The following ALG9 variants were observed in gnomAD, a reference collection of about 807,000 sequenced individuals.
ALG9 encodes alpha-1,2-mannosyltransferase ALG9.
Under a neutral mutation model 81.8 loss-of-function variants are expected in ALG9, and 55 were observed. The observed-to-expected ratio is 0.67, with a 90% confidence interval of 0.54 to 0.84. The LOEUF is 0.84. ALG9 is among the 40% of genes least tolerant of loss of function. The probability of loss-of-function intolerance (pLI) is 0.00; values close to 1 mark genes in which losing one functional copy is unlikely to be tolerated. For synonymous variants in ALG9, 278 were observed against 274.3 expected (o/e 1.01, Z -0.13); for missense variants, 629 against 745.0 (o/e 0.84, Z 1.81).
chr11:111,845,104 T>A (rs1290874370), intron 8 of ALG9: 3 of 231,774 alleles, frequency 1.3e-5, no homozygotes, highest in Admixed American at 5.1e-5. Flanking sequence ...ATTTAACTAT[T>A]CTCTCAAGAT....
At position 111,786,292 on chromosome 11, in the gene ALG9, A is replaced by G. The variant is rs1275544837; in HGVS notation, c.*105T>C. 5.8e-6 allele frequency: 9 copies of G among 1,554,218 alleles called. No homozygotes were observed. Among genetic ancestry groups the G allele is most frequent in the Non-Finnish European group, 8.0e-6 (9 of 1,128,964 alleles). On this transcript the variant is annotated 3_prime_UTR_variant, in exon 15 of 15. Transcript: ENST00000616540. ...GCACCCAGATTCCAGTATTCATGTC[A>G]GAAGACCTTTATTACAAATGTTACA...
In ALG9 at chr11:111,868,501, T is replaced by C. The variant is rs564086734; in HGVS notation, c.405+101A>G. 3.5e-6 allele frequency: 5 copies of C among 1,425,508 alleles called. No homozygotes were observed. In the East Asian group the frequency reaches 1.2e-4, roughly 33 times the overall value. The allele number at this position is 1,425,508 out of a possible 1,614,324, so 88.3% of individuals were successfully genotyped here. On this transcript the variant is annotated intron_variant, in intron 3 of 14. Transcript: ENST00000616540. ...ATAAATGATTCTTCTTCAAAAAAAG[T>C]TCCCTTTTAACTTCCAATTCATTTT...
rs1555089157 is a variant in ALG9, at chr11:111,809,668, A to T, written c.1708T>A (p.Tyr570Asn). The change falls in exon 14 of 15, where the codon TAT (tyrosine) becomes AAT (asparagine). Residue 570 changes from tyrosine (Y) to asparagine (N), a missense_variant. Physicochemically the swap from Tyr to Asn is moderately radical, Grantham distance 143. This residue lies in a region of ALG9 where 264 missense variants were observed against 302.2 expected (regional missense o/e 0.87). Coordinates refer to ENST00000616540, the MANE Select transcript of ALG9 (RefSeq NM_024740.2). ...CTAGAAGCATCAAGGAATGGTCTAT[A>T]GGCCAAGCTGATCCATTCTTCTTTA... is the stretch of plus-strand genomic sequence containing the variant. ...SNKEEWISLA[Y>N]RPFLDASRSS... 1 of 1,614,142 alleles carries T rather than the reference A, an allele frequency of 6.2e-7. No homozygotes were observed. Among genetic ancestry groups the T allele is most frequent in the East Asian group, 2.2e-5 (1 of 44,878 alleles).
At chr11:111,853,581 T>C in intron 7 of ALG9, 68 bp downstream of exon 7, 2 of 1,567,818 alleles carry the variant, frequency 1.3e-6, no homozygotes, top group Non-Finnish European at 1.8e-6. Context: ...CTCCTGATGT[T>C]CCTTTTTTCA....
chr11:111,769,621 A>G, the ALG9 span, among the ~76,000 whole-genome samples: 13 of 151,958 alleles, frequency 8.6e-5, no homozygotes, highest in Non-Finnish European at 1.9e-4. Flanking sequence ...TGTCTCAAAA[A>G]AAAAAAAAAT....
intron 14 of ALG9, among the ~76,000 whole-genome samples, chr11:111,795,434 G>A (rs1948114224): frequency 6.6e-6 from 1 of 152,190 alleles, no homozygotes; most frequent in Non-Finnish European, 1.5e-5. Context: ...AGGGGGCATG[G>A]AAGGCGTGTT....
the ALG9 span, among the ~76,000 whole-genome samples, chr11:111,772,632 A>G: frequency 6.6e-6 from 1 of 152,250 alleles, no homozygotes; most frequent in African/African-American, 2.4e-5. Flanking sequence ...GTTGTTAAAA[A>G]GATTAAATAA....
At chr11:111,812,726 G>A (rs1950904210) in intron 13 of ALG9, among the ~76,000 whole-genome samples, 1 of 151,824 alleles carries the variant, frequency 6.6e-6, no homozygotes, top group Non-Finnish European at 1.5e-5. Context: ...AGACCAGCCT[G>A]GCCAACATGG....
chr11:111,828,898 T>C (rs1953843550), intron 13 of ALG9: 1 of 152,220 alleles, frequency 6.6e-6, no homozygotes, highest in African/African-American at 2.4e-5. Context: ...ATCCCAGAAC[T>C]TCTCTGCAGA....
the ALG9 span, among the ~76,000 whole-genome samples, chr11:111,769,792 T>C: frequency 6.6e-6 from 1 of 152,196 alleles, no homozygotes; most frequent in African/African-American, 2.4e-5. Flanking sequence ...AATACAAATA[T>C]GCTTTGCTTA....
At chr11:111,798,695 C>A (rs1325212594) in intron 14 of ALG9, among the ~76,000 whole-genome samples, 1 of 152,114 alleles carries the variant, frequency 6.6e-6, no homozygotes, top group African/African-American at 2.4e-5. Flanking sequence ...GTTTAGACTC[C>A]GCATCCTAAG....
At chr11:111,842,517 G>A (rs1956377514) in intron 9 of ALG9, among the ~76,000 whole-genome samples, 1 of 151,966 alleles carries the variant, frequency 6.6e-6, no homozygotes, top group Non-Finnish European at 1.5e-5. Flanking sequence ...GACCTCCTAG[G>A]CTTAAGCAAT....
intron 5 of ALG9, 39 bp from the exon 6 acceptor site, chr11:111,857,776 G>C: frequency 6.2e-7 from 1 of 1,612,350 alleles, no homozygotes; most frequent in Non-Finnish European, 8.5e-7. Context: ...AGGAGGACAA[G>C]AGCTCGAGGT....
At position 111,786,343 on chromosome 11, in the gene ALG9, C is replaced by G. The variant is rs1946465412; in HGVS notation, c.*54G>C. The G allele has an allele frequency of 3.7e-6, 6 of 1,611,324 alleles. No homozygotes were observed. The East Asian group carries it at 1.3e-4, about 36-fold the overall frequency. ...GGCGATGACTTGCAGGGAGTCAGGT[C>G]ACTGGAATCAATAGTTAACAAGATG... On this transcript the variant is annotated 3_prime_UTR_variant, in exon 15 of 15. Coordinates refer to ENST00000616540, the MANE Select transcript of ALG9 (RefSeq NM_024740.2).
At chr11:111,848,018 A>C (rs962203559) in intron 8 of ALG9, among the ~76,000 whole-genome samples, 1 of 152,188 alleles carries the variant, frequency 6.6e-6, no homozygotes, top group Non-Finnish European at 1.5e-5. Context: ...GGTTTTGCTA[A>C]GGGTCTTGTT....
intron 8 of ALG9, among the ~76,000 whole-genome samples, chr11:111,851,576 G>C (rs1555138507): frequency 6.6e-6 from 1 of 150,948 alleles, no homozygotes; most frequent in African/African-American, 2.4e-5. Flanking sequence ...GTTTTATAAA[G>C]AGTTAGAGTA....
chr11:111,808,662 C>T (rs189498910), intron 14 of ALG9, among the ~76,000 whole-genome samples: 16 of 152,324 alleles, frequency 1.1e-4, no homozygotes, highest in African/African-American at 1.7e-4. Flanking sequence ...GGGCCCAGTC[C>T]GTTTCTGAGC....
rs528141835 is a variant in ALG9, at chr11:111,852,939, C to A, written c.895+441G>T. Among the ~76,000 whole-genome samples the A allele has an allele frequency of 4.3e-3, 515 of 119,868 alleles. 2 individuals carry two copies. The highest frequency in any genetic ancestry group is 0.018 in the African/African-American group (493 of 27,208). The allele number at this position is 119,868 out of a possible 152,430, so 78.6% of individuals were successfully genotyped here. A position where few individuals can be genotyped will look rare whatever the true frequency, so the allele number is the denominator to read the frequency against. On this transcript the variant is annotated intron_variant, in intron 8 of 14. Transcript: ENST00000616540. The stretch of plus-strand genomic sequence containing the variant: ...CCTGGGCAACAAGAGTCTAACTCCA[C>A]CTCAAAAAAAAAAAAAAAAATGTCT...
the ALG9 span, chr11:111,768,842 C>CGCGCGCGTGTGT: frequency 2.8e-5 from 4 of 143,096 alleles, no homozygotes; most frequent in African/African-American, 1.1e-4. Context: ...TGTGTGTGTG[C>CGCGCGCGTGTGT]GTGTGTGTGT....
Sources: allele counts gnomAD v4.1 joint callset (sites outside exome capture counted in the v4.1 genomes callset), GRCh38; gene constraint gnomAD v4.1.1; regional missense constraint gnomAD v4.1.1; transcripts MANE v1.5; gene names NCBI Gene and HGNC (gene_info 2026-07-23, HGNC 2026-07-21).